ZNF438: variants seen among roughly 807,000 people sequenced by gnomAD.
ZNF438 encodes the protein zinc finger protein 438.
Under a neutral mutation model 38.0 loss-of-function variants are expected in ZNF438, and 25 were observed. That is an observed-to-expected ratio of 0.66 (90% CI 0.48 to 0.92). The LOEUF (loss-of-function observed/expected upper bound fraction) is 0.92. ZNF438 is among the 40% of genes least tolerant of loss of function. The pLI, the probability that ZNF438 is intolerant of heterozygous loss-of-function variation, is 0.00. For synonymous variants in ZNF438, 372 were observed against 364.1 expected, an observed-to-expected ratio of 1.02 and a Z score of -0.25; for missense variants, 1,007 against 999.6, an observed-to-expected ratio of 1.01 and a Z score of -0.10.
chr10:31,022,743 A>C (rs979418091), intron 1 of ZNF438, among the ~76,000 whole-genome samples: 1 of 152,208 alleles, frequency 6.6e-6, no homozygotes, highest in Non-Finnish European at 1.5e-5. Flanking sequence ...AGCTGAATGC[A>C]TTGAGCTATG....
intron 3 of ZNF438, among the ~76,000 whole-genome samples, chr10:30,906,365 A>C (rs983920145): frequency 6.6e-6 from 1 of 152,080 alleles, no homozygotes; most frequent in Admixed American, 6.5e-5. Flanking sequence ...TTTATTTCTC[A>C]ATTTCCAGAT....
chr10:30,952,083 C>G (rs909532543), intron 1 of ZNF438, among the ~76,000 whole-genome samples: 1 of 151,146 alleles, frequency 6.6e-6, no homozygotes, highest in African/African-American at 2.4e-5. Flanking sequence ...ACAGAGCCCT[C>G]AGAAATAACG....
At chr10:31,006,516 A>G (rs1458309245) in intron 1 of ZNF438, among the ~76,000 whole-genome samples, 3 of 151,962 alleles carry the variant, frequency 2.0e-5, no homozygotes, top group South Asian at 4.2e-4. Flanking sequence ...CCTTTGTAAT[A>G]CCCTTTATAA....
intron 1 of ZNF438, among the ~76,000 whole-genome samples, chr10:31,021,132 C>T (rs189307584): frequency 6.7e-6 from 1 of 149,058 alleles, no homozygotes; most frequent in Admixed American, 6.8e-5. Context: ...TCTCAGCTTA[C>T]AACAGCATCC....
intron 4 of ZNF438, chr10:30,875,296 A>G (rs1490562778): frequency 2.0e-6 from 2 of 985,344 alleles, no homozygotes. Flanking sequence ...GCCAGAGCCA[A>G]GCAGCTTGTT....
chr10:30,882,020 A>G (rs2039324101), intron 3 of ZNF438, among the ~76,000 whole-genome samples: 1 of 152,182 alleles, frequency 6.6e-6, no homozygotes, highest in Non-Finnish European at 1.5e-5. Context: ...TATCTTGGAC[A>G]TGGCATCTGA....
At chr10:30,861,160 C>T (rs2035519131) in intron 4 of ZNF438, among the ~76,000 whole-genome samples, 1 of 152,138 alleles carries the variant, frequency 6.6e-6, no homozygotes, top group African/African-American at 2.4e-5. Context: ...ATGCTCAAAA[C>T]CCTGATGTAA....
chr10:30,946,761 T>A (rs2047457788), intron 1 of ZNF438, among the ~76,000 whole-genome samples: 1 of 152,230 alleles, frequency 6.6e-6, no homozygotes, highest in Non-Finnish European at 1.5e-5. Context: ...ATCTTGTTAT[T>A]TCCTATTTCT....
intron 1 of ZNF438, among the ~76,000 whole-genome samples, chr10:31,017,575 G>T (rs1403021543): frequency 6.6e-6 from 1 of 152,176 alleles, no homozygotes; most frequent in Non-Finnish European, 1.5e-5. Flanking sequence ...GATTTAATCT[G>T]GTCATAGATA....
At chr10:30,963,127 T>C (rs142416508) in intron 1 of ZNF438, among the ~76,000 whole-genome samples, 4 of 152,290 alleles carry the variant, frequency 2.6e-5, no homozygotes, top group African/African-American at 9.6e-5. Context: ...CCGGGCACAG[T>C]GGCTCACACC....
intron 1 of ZNF438, among the ~76,000 whole-genome samples, chr10:30,967,230 T>G (rs189008724): frequency 3.3e-5 from 5 of 152,272 alleles, no homozygotes; most frequent in African/African-American, 1.2e-4. Flanking sequence ...CCACAAAAAT[T>G]TATATACTTT....
chr10:30,954,504 C>T (rs1284294410), intron 1 of ZNF438, among the ~76,000 whole-genome samples: 4 of 152,144 alleles, frequency 2.6e-5, no homozygotes, highest in Non-Finnish European at 2.9e-5. Flanking sequence ...AGACTAAAAT[C>T]GTATCTAGTT....
chr10:30,949,795 A>G (rs1253737383), intron 1 of ZNF438, among the ~76,000 whole-genome samples: 2 of 151,470 alleles, frequency 1.3e-5, no homozygotes, highest in African/African-American at 4.8e-5. Context: ...CACATTAATA[A>G]TGGGAGACTT....
chr10:31,021,728 A>G (rs1350914993), intron 1 of ZNF438, among the ~76,000 whole-genome samples: 1 of 152,216 alleles, frequency 6.6e-6, no homozygotes, highest in Non-Finnish European at 1.5e-5. Flanking sequence ...CACAACACCA[A>G]CAACGCATTT....
At chr10:30,963,686 C>A (rs912229683) in intron 1 of ZNF438, among the ~76,000 whole-genome samples, 2 of 152,040 alleles carry the variant, frequency 1.3e-5, no homozygotes, top group African/African-American at 2.4e-5. Flanking sequence ...TTAAGACCAG[C>A]CCGGCCAAGA....
chr10:31,022,650 G>A (rs2056680239), intron 1 of ZNF438, among the ~76,000 whole-genome samples: 1 of 152,134 alleles, frequency 6.6e-6, no homozygotes, highest in African/African-American at 2.4e-5. Flanking sequence ...TGCAACACCT[G>A]CAGCCAGCGT....
intron 1 of ZNF438, among the ~76,000 whole-genome samples, chr10:31,007,096 A>C (rs1295158474): frequency 6.6e-6 from 1 of 152,110 alleles, no homozygotes; most frequent in Non-Finnish European, 1.5e-5. Flanking sequence ...AAAGAGACTA[A>C]AAGTGAAGGA....
intron 2 of ZNF438, among the ~76,000 whole-genome samples, chr10:30,938,998 G>A (rs1348156119): frequency 6.6e-6 from 1 of 151,884 alleles, no homozygotes; most frequent in Non-Finnish European, 1.5e-5. Context: ...GTTTCACCGT[G>A]TTAGCCAGGA....
At chr10:30,932,271 T>A (rs1488916507) in intron 2 of ZNF438, among the ~76,000 whole-genome samples, 2 of 152,236 alleles carry the variant, frequency 1.3e-5, no homozygotes, top group African/African-American at 2.4e-5. Context: ...TATTTTTTCA[T>A]GCAACAATTC....
Sources: allele counts gnomAD v4.1 joint callset (sites outside exome capture counted in the v4.1 genomes callset), GRCh38; gene constraint gnomAD v4.1.1; transcripts MANE v1.5; gene names NCBI Gene and HGNC (gene_info 2026-07-23, HGNC 2026-07-21).